Variants in RECK observed in about 807,000 individuals in gnomAD.
RECK encodes the protein reversion inducing cysteine rich protein with kazal motifs, also known as reversion-inducing cysteine-rich protein with Kazal motifs.
A neutral mutation model predicts 115.1 loss-of-function variants in RECK; 69 were observed. The observed-to-expected ratio is 0.60, with a 90% CI of 0.49 to 0.73. RECK has a LOEUF of 0.73. Ranked by LOEUF, RECK falls within the 30% of genes least tolerant of loss-of-function variation. The pLI, the probability that RECK is intolerant of heterozygous loss-of-function variation, is 0.00. For synonymous variants in RECK, 414 were observed against 419.7 expected (o/e 0.99, Z 0.17); for missense variants, 1,047 against 1,203.7 (o/e 0.87, Z 1.93).
At chr9:36,077,209 C>G (rs977149709) in intron 6 of RECK, among the ~76,000 whole-genome samples, 1 of 151,902 alleles carries the variant, frequency 6.6e-6, no homozygotes, top group Admixed American at 6.6e-5. Flanking sequence ...AAAAGAGGCT[C>G]CATAGGAGTG....
chr9:36,075,015 A>T (rs1822393782), intron 6 of RECK, among the ~76,000 whole-genome samples: 1 of 152,164 alleles, frequency 6.6e-6, no homozygotes, highest in African/African-American at 2.4e-5. Context: ...GTCAGCTCAG[A>T]TCTTCTCCAT....
intron 7 of RECK, 68 bp from the exon 8 acceptor site, chr9:36,083,297 T>G: frequency 7.1e-7 from 1 of 1,411,820 alleles, no homozygotes. Flanking sequence ...GTTCCATCAT[T>G]ATGATGATGA....
chr9:36,112,727 C>T (rs575908490), intron 16 of RECK, among the ~76,000 whole-genome samples: 3 of 152,244 alleles, frequency 2.0e-5, no homozygotes, highest in Non-Finnish European at 2.9e-5. Flanking sequence ...TGATACCTAG[C>T]TGAATCTAGA....
chr9:36,098,734 T>A (rs1823456066), intron 10 of RECK, among the ~76,000 whole-genome samples: 1 of 152,120 alleles, frequency 6.6e-6, no homozygotes, highest in Non-Finnish European at 1.5e-5. Context: ...GAATATAACA[T>A]TGTGGTGCAT....
Position 36,105,240 on chromosome 9 carries a change from A to C in RECK, c.1533A>C (p.Gly511=). The C allele has an allele frequency of 8.1e-6, 13 of 1,614,142 alleles. No homozygotes were observed. The highest frequency in any genetic ancestry group is 1.3e-5 in the African/African-American group (1 of 75,050). Residue 511 remains glycine (G), a synonymous_variant, in exon 13 of 21, where the codon GGA becomes GGC. Coordinates refer to ENST00000377966, the MANE Select transcript of RECK (RefSeq NM_021111.3). Reference sequence around the variant, plus strand: ...AGCTCTGTGAAGTAAACCGAAAAGGATGTCCATCTGGAGATCCCTGTCTTC... The same window carrying C: ...AGCTCTGTGAAGTAAACCGAAAAGGCTGTCCATCTGGAGATCCCTGTCTTC... ...ANELCEVNRK[G]CPSGDPCLPY...
intron 1 of RECK, among the ~76,000 whole-genome samples, chr9:36,050,912 A>G (rs1312890584): frequency 1.3e-5 from 2 of 151,974 alleles, no homozygotes; most frequent in African/African-American, 2.4e-5. Flanking sequence ...ATACCCACTC[A>G]CTTCCACACA....
intron 6 of RECK, chr9:36,066,747 T>G: frequency 1.6e-6 from 2 of 1,245,332 alleles, no homozygotes; most frequent in South Asian, 2.6e-5. Context: ...ACATGATGTC[T>G]GACACTGTCC....
At chr9:36,044,199 T>C (rs1191890085) in intron 1 of RECK, among the ~76,000 whole-genome samples, 1 of 151,188 alleles carries the variant, frequency 6.6e-6, no homozygotes, top group Non-Finnish European at 1.5e-5. Flanking sequence ...TGGTTAGGTA[T>C]ATTCCTAAGT....
chr9:36,123,286 C>T lies in RECK; in HGVS notation c.*241C>T, dbSNP rs1050634397. The T allele has an allele frequency of 1.8e-5, 8 of 441,290 alleles. No individual in the cohort carries two copies. The highest frequency in any genetic ancestry group is 1.6e-5 in the Non-Finnish European group (4 of 248,956). 27.3% of individuals were successfully genotyped at this position (441,290 alleles called of 1,614,324 possible). A position where few individuals can be genotyped will look rare whatever the true frequency, so the allele number is the denominator to read the frequency against. ...AACAGAATGTCTCTTCCTGGTAGACCACTGCCATATGATTTACATTTCCTC... is the reference window on the plus strand; with the variant it reads ...AACAGAATGTCTCTTCCTGGTAGACTACTGCCATATGATTTACATTTCCTC... On this transcript the variant is annotated 3_prime_UTR_variant, in exon 21 of 21. Coordinates refer to ENST00000377966, the MANE Select transcript of RECK (RefSeq NM_021111.3).
At chr9:36,061,538 A>G (rs1821767649) in intron 4 of RECK, among the ~76,000 whole-genome samples, 1 of 152,176 alleles carries the variant, frequency 6.6e-6, no homozygotes, top group Non-Finnish European at 1.5e-5. Context: ...TGCCTTGTAC[A>G]TAGTAGGACC....
Position 36,122,883 on chromosome 9 carries a change from G to T in RECK, c.2754G>T (p.Pro918=), listed in dbSNP as rs766876253. The T allele has an allele frequency of 6.2e-7, 1 of 1,614,174 alleles. No individual in the cohort carries two copies. Among genetic ancestry groups the T allele is most frequent in the Middle Eastern group, 1.7e-4 (1 of 6,060 alleles). ...AGTCCCTTATCAACTCTGACAGCCCGACTTTGGCGTCCCATGTCCCTCTCT... is the reference window on the plus strand; with the variant it reads ...AGTCCCTTATCAACTCTGACAGCCCTACTTTGGCGTCCCATGTCCCTCTCT... ...KIESLINSDS[P]TLASHVPLSA... is the part of the protein sequence containing the mutation. The change falls in exon 21 of 21, where the codon CCG becomes CCT. Residue 918 remains proline (P), a synonymous_variant. Coordinates refer to ENST00000377966, the MANE Select transcript of RECK (RefSeq NM_021111.3).
intron 2 of RECK, among the ~76,000 whole-genome samples, chr9:36,056,395 T>C (rs1821527279): frequency 6.6e-6 from 1 of 152,208 alleles, no homozygotes; most frequent in Non-Finnish European, 1.5e-5. Context: ...TATATGTTTT[T>C]TAAATATCTT....
intron 10 of RECK, among the ~76,000 whole-genome samples, chr9:36,096,022 C>G (rs1239075249): frequency 7.0e-6 from 1 of 143,542 alleles, no homozygotes; most frequent in East Asian, 2.1e-4. Context: ...GAGCTGAGAT[C>G]ACATCATTGC....
rs1165931117 is a variant in RECK, at chr9:36,068,671, T to C, written c.405+3047T>C. On this transcript the variant is annotated intron_variant, in intron 6 of 20. Coordinates refer to ENST00000377966, the MANE Select transcript of RECK (RefSeq NM_021111.3). The stretch of plus-strand genomic sequence containing the variant: ...GGCTCAGAAGTCAGGAGACAAATCC[T>C]GGGTTCTGATTGAAGGTGGAAAATC... Among the ~76,000 whole-genome samples, 11 of 152,308 alleles carry C rather than the reference T, an allele frequency of 7.2e-5. No homozygotes were observed. The South Asian group carries it at 2.3e-3, about 32-fold the overall frequency.
intron 1 of RECK, among the ~76,000 whole-genome samples, chr9:36,044,284 C>T (rs1008979533): frequency 6.6e-6 from 1 of 151,718 alleles, no homozygotes; most frequent in African/African-American, 2.4e-5. Context: ...AGAGTGGTCA[C>T]TGTTGGTGTA....
In RECK at chr9:36,052,272, G is replaced by T. The variant is rs147362697; in HGVS notation, c.108G>T (p.Leu36Phe). The change falls in exon 2 of 21, where the codon TTG (leucine) becomes TTT (phenylalanine). Residue 36 changes from leucine to phenylalanine, a missense_variant. Physicochemically the swap from Leu to Phe is conservative, Grantham distance 22 (BLOSUM62 0). Coordinates refer to ENST00000377966, the MANE Select transcript of RECK (RefSeq NM_021111.3). ...GGLAPGSAGA[L>F]CCNHSKDNQM... ...TTTATTTTTTCTCCCTAGGTGCATT[G>T]TGTTGTAATCATTCAAAGGATAACC... 6.2e-7 allele frequency: 1 copy of T among 1,604,662 alleles called. No homozygotes were observed. The highest frequency in any genetic ancestry group is 2.2e-5 in the East Asian group (1 of 44,806).
chr9:36,092,370 CT>C (rs1179548865), intron 10 of RECK, among the ~76,000 whole-genome samples: 12 of 147,302 alleles, frequency 8.1e-5, no homozygotes, highest in African/African-American at 1.0e-4. Context: ...GGGTCTACAT[CT>C]TTTTTTTTTA....
At chr9:36,109,768 C>T (rs937099801) in intron 14 of RECK, among the ~76,000 whole-genome samples, 189 bp from the exon 15 acceptor site, 1 of 151,398 alleles carries the variant, frequency 6.6e-6, no homozygotes, top group Non-Finnish European at 1.5e-5. Context: ...CACCTGAGCC[C>T]GGGAAGCGGA....
At position 36,105,123 on chromosome 9, in the gene RECK, A is replaced by G. The variant is rs753129008; in HGVS notation, c.1436-20A>G. The G allele has an allele frequency of 1.2e-6, 2 of 1,610,176 alleles. No individual in the cohort carries two copies. Among genetic ancestry groups the G allele is most frequent in the African/African-American group, 2.7e-5 (2 of 74,808 alleles). Reference sequence around the variant, plus strand: ...TTACTCTTTTAGGTTGGTTAAACTAATCTGTTTTGGTTTTTTCAGGGCCAA... The same window carrying G: ...TTACTCTTTTAGGTTGGTTAAACTAGTCTGTTTTGGTTTTTTCAGGGCCAA... On this transcript the variant is annotated intron_variant, in intron 12 of 20. Coordinates refer to ENST00000377966, the MANE Select transcript of RECK (RefSeq NM_021111.3).
Sources: gnomAD v4.1 joint callset for allele counts (sites outside exome capture counted in the v4.1 genomes callset) on GRCh38, gnomAD v4.1.1 for gene constraint, MANE v1.5 for transcripts, NCBI Gene and HGNC (gene_info 2026-07-23, HGNC 2026-07-21) for gene names.